Variants in FAM13A observed in about 807,000 individuals in gnomAD.
FAM13A encodes protein FAM13A.
Under a neutral mutation model 129.6 loss-of-function variants are expected in FAM13A, and 76 were observed. That is an observed-to-expected ratio of 0.59 (90% confidence interval 0.49 to 0.71). The LOEUF (loss-of-function observed/expected upper bound fraction) is 0.71. Ranked by LOEUF, FAM13A falls within the 30% of genes least tolerant of loss-of-function variation. The pLI, the probability that FAM13A is intolerant of heterozygous loss-of-function variation, is 0.00. For synonymous variants in FAM13A, 443 were observed against 449.9 expected (o/e 0.98, Z 0.20); for missense variants, 1,108 against 1,249.3 (o/e 0.89, Z 1.70).
chr4:88,736,092 G>T (rs1485047503), intron 21 of FAM13A, among the ~76,000 whole-genome samples: 1 of 152,064 alleles, frequency 6.6e-6, no homozygotes, highest in Admixed American at 6.5e-5. Context: ...TCATTCTTGG[G>T]TGACATTACC....
chr4:89,020,345 G>T, intron 3 of FAM13A, 115 bp downstream of exon 3: 1 of 620,828 alleles, frequency 1.6e-6, no homozygotes, highest in Non-Finnish European at 2.6e-6. Context: ...TTCAACTCCT[G>T]GCTTCAAGCA....
At chr4:88,842,381 C>T (rs1277725286) in intron 7 of FAM13A, among the ~76,000 whole-genome samples, 1 of 152,214 alleles carries the variant, frequency 6.6e-6, no homozygotes, top group Non-Finnish European at 1.5e-5. Flanking sequence ...ACCACAGAAG[C>T]GTAAACCAGG....
In FAM13A at chr4:89,048,291, TAAC is replaced by T. The variant is rs1771121050; in HGVS notation, c.27+8644_27+8646del. 2.0e-5 allele frequency among the ~76,000 whole-genome samples: 3 copies of T among 152,254 alleles called. No homozygotes were observed. In the South Asian group the frequency reaches 6.2e-4, roughly 32 times the overall value. Reference sequence around the variant, plus strand: ...GATATATCATAAACAGAATATTATTTAACAATAAAAATGATATGCTAATACATG... The same window carrying T: ...GATATATCATAAACAGAATATTATTTAATAAAAATGATATGCTAATACATG... On this transcript the variant is annotated intron_variant, in intron 1 of 23. Transcript: ENST00000264344.
chr4:88,797,890 T>A lies in FAM13A; in HGVS notation c.1049+7121A>T, dbSNP rs186640323. On this transcript the variant is annotated intron_variant, in intron 8 of 23. Coordinates refer to ENST00000264344, the MANE Select transcript of FAM13A (RefSeq NM_014883.4). The stretch of plus-strand genomic sequence containing the variant: ...AGTTTTCATCTGAATTTTATAAAAA[T>A]CAATTCTCTAGATTCTGCTTTTATG... Among the ~76,000 whole-genome samples the A allele has an allele frequency of 1.7e-4, 26 of 152,324 alleles. No homozygotes were observed. In the East Asian group the frequency reaches 5.0e-3, roughly 29 times the overall value.
intron 3 of FAM13A, among the ~76,000 whole-genome samples, chr4:89,011,626 C>G (rs964806906): frequency 6.6e-6 from 1 of 152,126 alleles, no homozygotes; most frequent in Admixed American, 6.5e-5. Context: ...CTAACCTCAA[C>G]CTACTTTTTC....
chr4:88,763,225 G>A (rs896255491), intron 13 of FAM13A, among the ~76,000 whole-genome samples: 2 of 152,208 alleles, frequency 1.3e-5, no homozygotes, highest in Non-Finnish European at 2.9e-5. Context: ...ACAGCCTATA[G>A]GAACTATAAA....
intron 5 of FAM13A, among the ~76,000 whole-genome samples, chr4:88,921,288 G>A (rs959733505): frequency 6.6e-6 from 1 of 152,090 alleles, no homozygotes; most frequent in Non-Finnish European, 1.5e-5. Context: ...AAAATGTTAA[G>A]GGCAGCCAGA....
chr4:88,898,434 C>G (rs958955642), intron 6 of FAM13A, among the ~76,000 whole-genome samples: 1 of 151,694 alleles, frequency 6.6e-6, no homozygotes, highest in Non-Finnish European at 1.5e-5. Context: ...TTGTTTGAGT[C>G]AAGAAGGGAA....
intron 4 of FAM13A, among the ~76,000 whole-genome samples, chr4:88,968,857 T>A (rs1328692852): frequency 6.6e-6 from 1 of 152,184 alleles, no homozygotes; most frequent in African/African-American, 2.4e-5. Flanking sequence ...TCAACAGAAA[T>A]GCCTATAACG....
chr4:89,039,546 T>C (rs1044157319), intron 1 of FAM13A, among the ~76,000 whole-genome samples: 9 of 152,196 alleles, frequency 5.9e-5, no homozygotes, highest in African/African-American at 2.2e-4. Context: ...AACTTTGTAC[T>C]TCCTAGTCAT....
chr4:88,779,597 T>C lies in FAM13A; in HGVS notation c.1458+1568A>G, dbSNP rs538614884. On this transcript the variant is annotated intron_variant, in intron 11 of 23. Coordinates refer to ENST00000264344, the MANE Select transcript of FAM13A (RefSeq NM_014883.4). ...ACAAAGACACGGTCCACTGAGTTCA[T>C]ATGTGACATGCACAATCCTGGAATG... 7.2e-5 allele frequency among the ~76,000 whole-genome samples: 11 copies of C among 152,276 alleles called. No individual in the cohort carries two copies. In the South Asian group the frequency reaches 2.3e-3, roughly 32 times the overall value.
intron 6 of FAM13A, among the ~76,000 whole-genome samples, chr4:88,897,976 G>T (rs868645407): frequency 6.6e-6 from 1 of 152,142 alleles, no homozygotes; most frequent in South Asian, 2.1e-4. Context: ...CACAAACCAA[G>T]ACTTAACCAA....
intron 8 of FAM13A, 85 bp downstream of exon 8, chr4:88,804,926 A>C: frequency 1.3e-6 from 1 of 756,284 alleles, no homozygotes. Flanking sequence ...TTCTATTGAA[A>C]GAGATTAAAA....
chr4:89,025,444 T>G (rs1398936100), intron 2 of FAM13A, among the ~76,000 whole-genome samples: 1 of 151,068 alleles, frequency 6.6e-6, no homozygotes, highest in East Asian at 1.9e-4. Context: ...TTTTGTATTT[T>G]TAGTAGAGAC....
intron 4 of FAM13A, among the ~76,000 whole-genome samples, chr4:88,957,788 TG>T (rs1757983693): frequency 6.6e-6 from 1 of 152,240 alleles, no homozygotes; most frequent in African/African-American, 2.4e-5. Context: ...AGGAACTTAC[TG>T]AGAACTGGAG....
intron 6 of FAM13A, among the ~76,000 whole-genome samples, chr4:88,860,673 G>A (rs1028827045): frequency 2.6e-5 from 4 of 152,176 alleles, no homozygotes; most frequent in African/African-American, 9.6e-5. Context: ...AATGATTAAA[G>A]GGATAAAACA....
chr4:88,747,921 G>T lies in FAM13A; in HGVS notation c.2162-70C>A, dbSNP rs541213337. ...TTTATTTATTTTGAGATGGAGTCTCGCTCTGTCGCCCAGGTTGGAGTGCAG... is the reference window on the plus strand; with the variant it reads ...TTTATTTATTTTGAGATGGAGTCTCTCTCTGTCGCCCAGGTTGGAGTGCAG... On this transcript the variant is annotated intron_variant, in intron 17 of 23. Transcript: ENST00000264344. 81 of 1,155,442 alleles carry T rather than the reference G, an allele frequency of 7.0e-5. 1 individual carries two copies. The South Asian group carries it at 1.1e-3, about 16-fold the overall frequency. 71.6% of individuals were successfully genotyped at this position (1,155,442 alleles called of 1,614,324 possible). A position where few individuals can be genotyped will look rare whatever the true frequency, so the allele number is the denominator to read the frequency against.
intron 4 of FAM13A, among the ~76,000 whole-genome samples, chr4:88,981,195 T>C (rs1761624629): frequency 6.6e-6 from 1 of 152,124 alleles, no homozygotes; most frequent in Non-Finnish European, 1.5e-5. Flanking sequence ...TTGACCAAAA[T>C]GACTTACTCA....
intron 7 of FAM13A, among the ~76,000 whole-genome samples, chr4:88,847,731 G>A (rs1578937769): frequency 6.6e-6 from 1 of 152,096 alleles, no homozygotes; most frequent in South Asian, 2.1e-4. Flanking sequence ...TCAGGAGATT[G>A]CGACCATCCT....
Sources: gnomAD v4.1 joint callset for allele counts (sites outside exome capture counted in the v4.1 genomes callset) on GRCh38, gnomAD v4.1.1 for gene constraint, MANE v1.5 for transcripts, NCBI Gene and HGNC (gene_info 2026-07-23, HGNC 2026-07-21) for gene names.